Variants in BPIFB1 observed in about 807,000 individuals in gnomAD.
BPIFB1 encodes the protein BPI fold containing family B member 1, also known as BPI fold-containing family B member 1.
In BPIFB1, 34 loss-of-function variants were observed where a neutral mutation model predicts 55.1. The ratio of observed to expected loss-of-function variants is 0.62; its 90% CI spans 0.47 to 0.82. The LOEUF (loss-of-function observed/expected upper bound fraction) is 0.82. Ranked by LOEUF, BPIFB1 falls within the 40% of genes least tolerant of loss-of-function variation. The pLI is 0.00. For missense variants in BPIFB1, 532 were observed against 593.1 expected (o/e 0.90, Z 1.07); for synonymous variants, 236 against 245.3 (o/e 0.96, Z 0.35).
chr20:33,303,667 A>T (rs1394878464), intron 11 of BPIFB1, among the ~76,000 whole-genome samples: 1 of 152,140 alleles, frequency 6.6e-6, no homozygotes. Context: ...CCACCTACAC[A>T]CTAGGGTAAG....
At position 33,297,553 on chromosome 20, in the gene BPIFB1, A is replaced by G. The variant is rs1336126156; in HGVS notation, c.626A>G (p.Asn209Ser). ...QLCPVIEASF[N>S]GMYADLLQLV... ...TGTCCCGTGATCGAGGCTTCCTTCA[A>G]TGGCATGTATGCAGACCTCCTGCAG... The change falls in exon 7 of 16, where the codon AAT becomes AGT. Residue 209 changes from asparagine (N) to serine (S), a missense_variant. Transcript: ENST00000253354. 4 of 1,614,176 alleles carry G rather than the reference A, an allele frequency of 2.5e-6. No homozygotes were observed. Among genetic ancestry groups the G allele is most frequent in the Non-Finnish European group, 8.5e-7 (1 of 1,180,016 alleles).
At chr20:33,299,734 C>T (rs1980784804) in intron 7 of BPIFB1, among the ~76,000 whole-genome samples, 165 bp from the exon 8 acceptor site, 2 of 152,170 alleles carry the variant, frequency 1.3e-5, no homozygotes, top group Non-Finnish European at 1.5e-5. Context: ...CGATAAATGT[C>T]ACTGTCATCA....
Position 33,291,925 on chromosome 20 carries a change from C to T in BPIFB1, c.534C>T (p.Asn178=), listed in dbSNP as rs148509925. ...CTGAAAGGCTCTCCTTCCTGGTGAA[C>T]GCCTTAGCTAAGCAGGTCATGAACC... is the stretch of plus-strand genomic sequence containing the variant. ...QLLHKLSFLV[N]ALAKQVMNLL... is the part of the protein sequence containing the mutation. The change falls in exon 6 of 16, where the codon AAC becomes AAT. Residue 178 remains asparagine, a synonymous_variant. Transcript: ENST00000253354. 2.2e-5 allele frequency: 36 copies of T among 1,614,060 alleles called. No homozygotes were observed. The African/African-American group carries it at 2.9e-4, about 13-fold the overall frequency.
intron 15 of BPIFB1, among the ~76,000 whole-genome samples, chr20:33,308,760 CCA>C (rs1213972509): frequency 2.9e-5 from 4 of 137,830 alleles, no homozygotes; most frequent in South Asian, 2.5e-4. Context: ...CACATACACA[CCA>C]CACACATACA....
chr20:33,304,035 C>T lies in BPIFB1; in HGVS notation c.1208+10C>T, dbSNP rs371697817. 2.7e-5 allele frequency: 43 copies of T among 1,609,122 alleles called. No homozygotes were observed. In the African/African-American group the frequency reaches 3.6e-4, roughly 14 times the overall value. On this transcript the variant is annotated intron_variant, in intron 12 of 15. Coordinates refer to ENST00000253354, the MANE Select transcript of BPIFB1 (RefSeq NM_033197.3). ...ACTTGAATAACATCAGGTAAACACA[C>T]AAATCATCATGAAGATTCTGCTGAT...
At chr20:33,287,982 A>G (rs1443659845) in intron 2 of BPIFB1, among the ~76,000 whole-genome samples, 1 of 152,204 alleles carries the variant, frequency 6.6e-6, no homozygotes, top group Non-Finnish European at 1.5e-5. Context: ...CCATTACCAC[A>G]GAGCAGGCAA....
chr20:33,292,707 T>TC (rs35973561), intron 6 of BPIFB1, among the ~76,000 whole-genome samples: 19,392 of 152,166 alleles, frequency 0.13, 1,329 homozygotes, highest in Middle Eastern at 0.22. Context: ...GGATTTTTTT[T>TC]CTGCGTCAGT....
At chr20:33,303,424 T>C (rs1234168302) in intron 11 of BPIFB1, among the ~76,000 whole-genome samples, 1 of 152,224 alleles carries the variant, frequency 6.6e-6, no homozygotes, top group Non-Finnish European at 1.5e-5. Context: ...AGCCTTGTTT[T>C]CCTCTGTGCT....
intron 11 of BPIFB1, 66 bp from the exon 12 acceptor site, chr20:33,303,892 C>A: frequency 6.5e-7 from 1 of 1,533,882 alleles, no homozygotes. Context: ...AGCCTCCCTG[C>A]ATAACCCCTA....
chr20:33,308,600 TTA>T (rs1262431073), intron 15 of BPIFB1, among the ~76,000 whole-genome samples: 2 of 91,972 alleles, frequency 2.2e-5, no homozygotes, highest in African/African-American at 9.4e-5. Context: ...ACATACACCT[TTA>T]TACACATACA....
At chr20:33,295,754 GAA>G (rs1373120962) in intron 6 of BPIFB1, among the ~76,000 whole-genome samples, 2 of 144,260 alleles carry the variant, frequency 1.4e-5, no homozygotes, top group African/African-American at 2.6e-5. Flanking sequence ...GAGAGAGAGA[GAA>G]AGAGAGAGAG....
chr20:33,290,134 T>C (rs1980416141), intron 4 of BPIFB1, 142 bp downstream of exon 4: 5 of 665,518 alleles, frequency 7.5e-6, no homozygotes, highest in Non-Finnish European at 1.1e-5. Flanking sequence ...GTGGCAGCAG[T>C]GTACTTGCCT....
rs915890164 is a variant in BPIFB1, at chr20:33,286,060, T to A, written c.-14T>A. 2.5e-6 allele frequency: 4 copies of A among 1,613,670 alleles called. No individual in the cohort carries two copies. The highest frequency in any genetic ancestry group is 1.3e-5 in the African/African-American group (1 of 74,906). ...CTGGCATCCTGCACTTGCTGCCCTC[T>A]GACACCTGGGAAGATGGCCGGCCCG... On this transcript the variant is annotated 5_prime_UTR_variant, in exon 2 of 16. Coordinates refer to ENST00000253354, the MANE Select transcript of BPIFB1 (RefSeq NM_033197.3).
At position 33,309,859 on chromosome 20, in the gene BPIFB1, C is replaced by A; in HGVS notation, c.*92C>A. 1.6e-6 allele frequency: 2 copies of A among 1,215,476 alleles called. No individual in the cohort carries two copies. The highest frequency in any genetic ancestry group is 2.4e-6 in the Non-Finnish European group (2 of 829,320). The allele number at this position is 1,215,476 out of a possible 1,614,324, so 75.3% of individuals were successfully genotyped here. A position where few individuals can be genotyped will look rare whatever the true frequency, so the allele number is the denominator to read the frequency against. ...ACCATCCCTCTCTGCAATCAATAAA[C>A]ACTTGCCTGTGATGCCTGCCGTCTG... On this transcript the variant is annotated 3_prime_UTR_variant, in exon 16 of 16. Transcript: ENST00000253354. The surrounding 1 kb of genome is among the most constrained non-coding windows in gnomAD (Gnocchi z 4.4).
At chr20:33,289,391 A>C (rs553828999) in intron 3 of BPIFB1, among the ~76,000 whole-genome samples, 5,612 of 149,262 alleles carry the variant, frequency 0.038, 350 homozygotes, top group African/African-American at 0.13. Context: ...CAAAAAAAAA[A>C]AAACAAAAAA....
chr20:33,287,893 C>G (rs529001529), intron 2 of BPIFB1, among the ~76,000 whole-genome samples: 1 of 152,338 alleles, frequency 6.6e-6, no homozygotes, highest in East Asian at 1.9e-4. Context: ...GAATCCCCCC[C>G]ATGCCCCTCC....
intron 4 of BPIFB1, 100 bp downstream of exon 4, chr20:33,290,092 C>A: frequency 1.1e-6 from 1 of 922,196 alleles, no homozygotes; most frequent in Non-Finnish European, 1.7e-6. Context: ...AAGAGAGTTC[C>A]GAGCAGAGAG....
Position 33,291,008 on chromosome 20 carries a change from C to A in BPIFB1, c.417C>A (p.Ala139=). ...VEFHMTTEAQ[A]TIRMDTSASG... ...TCCACATGACGACTGAGGCCCAAGC[C>A]ACCATCCGCATGGACACCAGTGCAA... Residue 139 remains alanine, a synonymous_variant, in exon 5 of 16, where the codon GCC becomes GCA. Coordinates refer to ENST00000253354, the MANE Select transcript of BPIFB1 (RefSeq NM_033197.3). 1 of 1,614,020 alleles carries A rather than the reference C, an allele frequency of 6.2e-7. No individual in the cohort carries two copies. Among genetic ancestry groups the A allele is most frequent in the South Asian group, 1.1e-5 (1 of 91,074 alleles).
chr20:33,304,400 T>C (rs905814958), intron 12 of BPIFB1, among the ~76,000 whole-genome samples: 2 of 152,214 alleles, frequency 1.3e-5, no homozygotes, highest in Admixed American at 1.3e-4. Context: ...GGCTGCCAGC[T>C]GGAGCCTCTG....
Sources: allele counts gnomAD v4.1 joint callset (sites outside exome capture counted in the v4.1 genomes callset), GRCh38; gene constraint gnomAD v4.1.1; non-coding constraint Gnocchi (gnomAD v3.1); transcripts MANE v1.5; gene names NCBI Gene and HGNC (gene_info 2026-07-23, HGNC 2026-07-21).